The following CLINT1 variants were observed in gnomAD, a reference collection of about 807,000 sequenced individuals.
The protein encoded by CLINT1 is clathrin interacting protein localized in the trans-Golgi region.
In CLINT1, 15 loss-of-function variants were observed where a neutral mutation model predicts 70.4. The observed-to-expected ratio is 0.21, with a 90% confidence interval of 0.14 to 0.33. The LOEUF is 0.33. Among genes scored for constraint, CLINT1 ranks in the 10% least tolerant of loss-of-function variants. The probability of loss-of-function intolerance (pLI) is 1.00; values close to 1 mark genes in which losing one functional copy is unlikely to be tolerated. For missense variants in CLINT1, 615 were observed against 778.1 expected (o/e 0.79, Z 2.49); for synonymous variants, 227 against 254.7 (o/e 0.89, Z 1.04).
chr5:157,856,089 G>A (rs1183392121), intron 1 of CLINT1, among the ~76,000 whole-genome samples: 2 of 152,164 alleles, frequency 1.3e-5, no homozygotes, highest in Admixed American at 1.3e-4. Context: ...TAGTCTTCCT[G>A]AGTCATGGTC....
chr5:157,828,302 T>A (rs1763102037), intron 1 of CLINT1, among the ~76,000 whole-genome samples: 1 of 151,882 alleles, frequency 6.6e-6, no homozygotes, highest in Non-Finnish European at 1.5e-5. Context: ...CTAGCAAAAG[T>A]GAAAAATTGT....
chr5:157,832,878 C>T (rs1271439895), intron 1 of CLINT1, among the ~76,000 whole-genome samples: 1 of 152,172 alleles, frequency 6.6e-6, no homozygotes, highest in Non-Finnish European at 1.5e-5. Context: ...CTACCTTAAT[C>T]TAGGGTCACC....
chr5:157,818,576 T>C lies in CLINT1; in HGVS notation c.42-1029A>G, dbSNP rs551149733. Among the ~76,000 whole-genome samples the C allele has an allele frequency of 4.0e-5, 6 of 151,428 alleles. No homozygotes were observed. The East Asian group carries it at 1.2e-3, about 29-fold the overall frequency. On this transcript the variant is annotated intron_variant, in intron 1 of 11. Coordinates refer to ENST00000411809, the MANE Select transcript of CLINT1 (RefSeq NM_014666.4). ...AGGTGGGAAGATTGTTTGATTCCAGTAGGTCAAGGCTTCAGGGAGCCATGA... is the reference window on the plus strand; with the variant it reads ...AGGTGGGAAGATTGTTTGATTCCAGCAGGTCAAGGCTTCAGGGAGCCATGA...
chr5:157,810,849 G>A (rs1056710072), intron 5 of CLINT1, among the ~76,000 whole-genome samples: 2 of 152,176 alleles, frequency 1.3e-5, no homozygotes, highest in African/African-American at 4.8e-5. Context: ...TTGTTTACAG[G>A]ATCTAAAAGG....
intron 1 of CLINT1, among the ~76,000 whole-genome samples, chr5:157,833,984 T>C (rs537261080): frequency 1.3e-5 from 2 of 152,172 alleles, no homozygotes; most frequent in East Asian, 3.9e-4. Context: ...GTTTGTTTAT[T>C]TACCCGTCTC....
chr5:157,791,689 A>T lies in CLINT1; in HGVS notation c.1380+14T>A, dbSNP rs1761909858. The T allele has an allele frequency of 6.3e-7, 1 of 1,594,334 alleles. No homozygotes were observed. Among genetic ancestry groups the T allele is most frequent in the Non-Finnish European group, 8.5e-7 (1 of 1,170,012 alleles). ...ATTATAAATAACAAATTCCAAGGGA[A>T]CCAGACAACTTACCTGTGATCTTGA... is the stretch of plus-strand genomic sequence containing the variant. On this transcript the variant is annotated intron_variant, in intron 10 of 11. Coordinates refer to ENST00000411809, the MANE Select transcript of CLINT1 (RefSeq NM_014666.4).
Position 157,809,632 on chromosome 5 carries a change from A to G in CLINT1, c.691T>C (p.Cys231Arg). Residue 231 changes from cysteine (C) to arginine (R), a missense_variant, in exon 6 of 12, where the codon TGC (cysteine) becomes CGC (arginine). Physicochemically the swap from Cys to Arg is radical, Grantham distance 180. Coordinates refer to ENST00000411809, the MANE Select transcript of CLINT1 (RefSeq NM_014666.4). ...RKDREDSPERCSDSDEEKKAR... is the reference protein window; with the variant it reads ...RKDREDSPERRSDSDEEKKAR... ...GGAGACAAAGTGGTAAAATACCTGC[A>G]TCTTTCTGGAGAGTCTTCTCTATCT... 1 of 1,598,850 alleles carries G rather than the reference A, an allele frequency of 6.3e-7. No individual in the cohort carries two copies. The highest frequency in any genetic ancestry group is 8.5e-7 in the Non-Finnish European group (1 of 1,174,468).
chr5:157,821,025 C>A (rs1393745623), intron 1 of CLINT1, among the ~76,000 whole-genome samples: 2 of 152,118 alleles, frequency 1.3e-5, no homozygotes, highest in Admixed American at 6.5e-5. Flanking sequence ...AATTGAGATT[C>A]CTAACTTGAA....
intron 1 of CLINT1, among the ~76,000 whole-genome samples, chr5:157,839,221 C>A (rs1423709485): frequency 6.6e-6 from 1 of 150,810 alleles, no homozygotes; most frequent in Non-Finnish European, 1.5e-5. Flanking sequence ...AAAGGGAGAC[C>A]CTGCCTCAAA....
At chr5:157,857,780 C>T (rs1436416548) in intron 1 of CLINT1, among the ~76,000 whole-genome samples, 1 of 152,152 alleles carries the variant, frequency 6.6e-6, no homozygotes, top group Admixed American at 6.5e-5. Flanking sequence ...TTCTTGGTAG[C>T]ACAGAAAATA....
Position 157,806,197 on chromosome 5 carries a change from A to G in CLINT1, c.696-85T>C. 2.2e-6 allele frequency: 3 copies of G among 1,375,632 alleles called. No homozygotes were observed. In the Admixed American group the frequency reaches 7.2e-5, roughly 33 times the overall value. 85.2% of individuals were successfully genotyped at this position (1,375,632 alleles called of 1,614,324 possible). ...TCAGTGATTTGAGCTAAAGAATTTC[A>G]AATACAGTAACTCCAAAATTTCATA... On this transcript the variant is annotated intron_variant, in intron 6 of 11. Coordinates refer to ENST00000411809, the MANE Select transcript of CLINT1 (RefSeq NM_014666.4).
In CLINT1 at chr5:157,789,396, G is replaced by A; in HGVS notation, c.1498C>T (p.Gln500Ter). 1 of 1,614,000 alleles carries A rather than the reference G, an allele frequency of 6.2e-7. No individual in the cohort carries two copies. Among genetic ancestry groups the A allele is most frequent in the Non-Finnish European group, 8.5e-7 (1 of 1,179,870 alleles). Residue 500 changes from glutamine to a stop codon, truncating the protein, a stop_gained, in exon 11 of 12, where the codon CAG (glutamine) becomes TAG (stop). Transcript: ENST00000411809. LOFTEE classifies it high-confidence loss of function. ...TGAATCATTGTATTCAGTGATGGCT[G>A]CTGGGGTTTGGAAGGCTGCATACCA... ...LPGMQPSKPQQPSLNTMIQQQ... is the reference protein window; with the variant it reads ...LPGMQPSKPQ
At chr5:157,836,329 C>T (rs1007286049) in intron 1 of CLINT1, among the ~76,000 whole-genome samples, 2 of 152,206 alleles carry the variant, frequency 1.3e-5, no homozygotes, top group Non-Finnish European at 2.9e-5. Context: ...AAGTATCTCA[C>T]TAGAGGTCAC....
At chr5:157,821,982 C>T (rs1252208029) in intron 1 of CLINT1, among the ~76,000 whole-genome samples, 1 of 152,240 alleles carries the variant, frequency 6.6e-6, no homozygotes, top group Non-Finnish European at 1.5e-5. Context: ...CTCAGCAACA[C>T]TGACTCACTA....
Position 157,848,052 on chromosome 5 carries a change from G to A in CLINT1, c.41+10878C>T, listed in dbSNP as rs913852222. Among the ~76,000 whole-genome samples the A allele has an allele frequency of 9.2e-5, 14 of 152,180 alleles. No individual in the cohort carries two copies. The South Asian group carries it at 1.5e-3, about 16-fold the overall frequency. On this transcript the variant is annotated intron_variant, in intron 1 of 11. Transcript: ENST00000411809. ...CAACTCCTGGGCTCAAGTGATCCAC[G>A]TGCCTTGAACTCCCAAAGTACTGGG...
At chr5:157,824,474 G>A (rs1762972005) in intron 1 of CLINT1, among the ~76,000 whole-genome samples, 2 of 152,072 alleles carry the variant, frequency 1.3e-5, no homozygotes, top group Non-Finnish European at 2.9e-5. Flanking sequence ...TCCACATGGT[G>A]GGATATTCAC....
At chr5:157,814,406 TGGTGA>T (rs1354096508) in intron 3 of CLINT1, 113 bp from the exon 4 acceptor site, 2 of 729,110 alleles carry the variant, frequency 2.7e-6, no homozygotes, top group African/African-American at 3.6e-5. Context: ...TTCATGCTGG[TGGTGA>T]GGTTTCTTTA....
chr5:157,851,888 G>C (rs1050631946), intron 1 of CLINT1, among the ~76,000 whole-genome samples: 1 of 152,038 alleles, frequency 6.6e-6, no homozygotes, highest in African/African-American at 2.4e-5. Context: ...TCCTTTACCT[G>C]TATTTAATTT....
At chr5:157,835,623 A>T (rs1232015666) in intron 1 of CLINT1, among the ~76,000 whole-genome samples, 1 of 152,190 alleles carries the variant, frequency 6.6e-6, no homozygotes. Context: ...AGTGAACTCC[A>T]TGATATCTTG....
Sources: gnomAD v4.1 joint callset for allele counts (sites outside exome capture counted in the v4.1 genomes callset) on GRCh38, gnomAD v4.1.1 for gene constraint, MANE v1.5 for transcripts, NCBI Gene and HGNC (gene_info 2026-07-23, HGNC 2026-07-21) for gene names.